The following TOX variants were observed in gnomAD, a reference collection of about 807,000 sequenced individuals.
TOX encodes thymocyte selection associated high mobility group box.
In TOX, 11 loss-of-function variants were observed where a neutral mutation model predicts 53.7. That is an observed-to-expected ratio of 0.20 (90% CI 0.13 to 0.34). The LOEUF (loss-of-function observed/expected upper bound fraction) is 0.34, where lower values mean the gene tolerates loss of function less well. TOX is among the 10% of genes least tolerant of loss of function. The pLI is 1.00. For missense variants in TOX, 570 were observed against 664.6 expected (o/e 0.86, Z 1.56); for synonymous variants, 225 against 245.3 (o/e 0.92, Z 0.77).
chr8:59,073,219 T>G (rs970400022), intron 1 of TOX, among the ~76,000 whole-genome samples: 1 of 152,174 alleles, frequency 6.6e-6, no homozygotes, highest in African/African-American at 2.4e-5. Context: ...TGGGAACATG[T>G]AAACCTCTAT....
chr8:59,088,066 TTATTA>T (rs879428882), intron 1 of TOX, among the ~76,000 whole-genome samples: 6 of 152,126 alleles, frequency 3.9e-5, no homozygotes, highest in Non-Finnish European at 7.4e-5. Context: ...ATGGAAACCT[TTATTA>T]TATTAAAAAA....
At chr8:59,010,343 T>C (rs1206912286) in intron 1 of TOX, among the ~76,000 whole-genome samples, 4 of 152,208 alleles carry the variant, frequency 2.6e-5, no homozygotes, top group African/African-American at 9.7e-5. Flanking sequence ...TTACTATATT[T>C]TTAGAAAAAC....
At chr8:59,061,966 C>T (rs1803993990) in intron 1 of TOX, among the ~76,000 whole-genome samples, 1 of 152,126 alleles carries the variant, frequency 6.6e-6, no homozygotes, top group Non-Finnish European at 1.5e-5. Context: ...TGAGATTTTA[C>T]AAGCTCAAAA....
chr8:58,993,233 C>T (rs1403593303), intron 1 of TOX, among the ~76,000 whole-genome samples: 1 of 152,180 alleles, frequency 6.6e-6, no homozygotes, highest in East Asian at 1.9e-4. Flanking sequence ...TCATTGTCTT[C>T]AAGCTACACT....
intron 3 of TOX, among the ~76,000 whole-genome samples, chr8:58,930,444 G>C (rs570688384): frequency 6.6e-6 from 1 of 152,332 alleles, no homozygotes; most frequent in East Asian, 1.9e-4. Flanking sequence ...TCATGAGGCA[G>C]AGAGAGAACA....
chr8:58,949,221 T>C (rs1194947679), intron 2 of TOX, among the ~76,000 whole-genome samples: 1 of 152,226 alleles, frequency 6.6e-6, no homozygotes, highest in Non-Finnish European at 1.5e-5. Context: ...ATTTTTATTA[T>C]CACTTAATGT....
At chr8:58,858,313 C>T (rs1810949296) in intron 3 of TOX, among the ~76,000 whole-genome samples, 2 of 152,202 alleles carry the variant, frequency 1.3e-5, no homozygotes, top group South Asian at 2.1e-4. Flanking sequence ...CTTCCAGAGT[C>T]TGTATTCCTC....
intron 1 of TOX, among the ~76,000 whole-genome samples, chr8:59,068,824 G>A (rs942609883): frequency 2.6e-5 from 4 of 152,136 alleles, no homozygotes; most frequent in Non-Finnish European, 5.9e-5. Context: ...CTAAAGTTAA[G>A]ATAAGGAAGA....
At chr8:58,936,770 GA>G (rs1812351247) in intron 3 of TOX, among the ~76,000 whole-genome samples, 1 of 152,158 alleles carries the variant, frequency 6.6e-6, no homozygotes. Context: ...TTCTTTCTCT[GA>G]GACCATGCTG....
intron 1 of TOX, among the ~76,000 whole-genome samples, chr8:59,003,541 G>A (rs536463792): frequency 1.3e-5 from 2 of 152,256 alleles, no homozygotes; most frequent in South Asian, 4.2e-4. Context: ...TTTCAACAGT[G>A]AAAGACGGGG....
At chr8:58,882,537 AT>A in intron 3 of TOX, among the ~76,000 whole-genome samples, 1 of 152,318 alleles carries the variant, frequency 6.6e-6, no homozygotes, top group Middle Eastern at 3.4e-3. Context: ...TTGCTCTGCA[AT>A]TGTCTAAGCT....
chr8:58,855,468 C>G (rs1343960394), intron 3 of TOX, among the ~76,000 whole-genome samples: 1 of 152,128 alleles, frequency 6.6e-6, no homozygotes, highest in Non-Finnish European at 1.5e-5. Flanking sequence ...TCATTTTTGA[C>G]TCTTTCCTTT....
At chr8:58,836,325 G>T (rs547267925) in intron 5 of TOX, among the ~76,000 whole-genome samples, 1 of 152,132 alleles carries the variant, frequency 6.6e-6, no homozygotes, top group Non-Finnish European at 1.5e-5. Context: ...CCACACCTCA[G>T]GTTTGGCAGG....
chr8:59,074,773 A>G (rs1240671184), intron 1 of TOX, among the ~76,000 whole-genome samples: 2 of 152,314 alleles, frequency 1.3e-5, no homozygotes, highest in East Asian at 1.9e-4. Context: ...TAAAGGAGCG[A>G]CAGCAGCGTG....
intron 1 of TOX, among the ~76,000 whole-genome samples, chr8:58,975,138 A>G (rs976456287): frequency 1.3e-5 from 2 of 151,732 alleles, no homozygotes; most frequent in Non-Finnish European, 2.9e-5. Flanking sequence ...TGTAGATTTT[A>G]CAGATATATA....
intron 6 of TOX, among the ~76,000 whole-genome samples, chr8:58,823,207 T>C (rs1810310415): frequency 6.6e-6 from 1 of 152,156 alleles, no homozygotes; most frequent in Non-Finnish European, 1.5e-5. Context: ...GATTAGATGG[T>C]ATATAGCACT....
At chr8:58,895,600 C>T (rs1811630952) in intron 3 of TOX, among the ~76,000 whole-genome samples, 1 of 152,162 alleles carries the variant, frequency 6.6e-6, no homozygotes, top group African/African-American at 2.4e-5. Context: ...TTACTTTAAA[C>T]CAAAATCTGA....
chr8:58,963,679 T>C (rs538889892), intron 1 of TOX, among the ~76,000 whole-genome samples: 11 of 152,228 alleles, frequency 7.2e-5, no homozygotes, highest in Middle Eastern at 3.4e-3. Context: ...GTCGCAGTGT[T>C]TTGTAGACTC....
intron 1 of TOX, among the ~76,000 whole-genome samples, chr8:59,114,168 A>T (rs1805064048): frequency 6.6e-6 from 1 of 152,222 alleles, no homozygotes; most frequent in African/African-American, 2.4e-5. Context: ...CACAATAATC[A>T]TTCAATTAGA....
Sources: gnomAD v4.1 joint callset for allele counts (sites outside exome capture counted in the v4.1 genomes callset) on GRCh38, gnomAD v4.1.1 for gene constraint, MANE v1.5 for transcripts, NCBI Gene and HGNC (gene_info 2026-07-23, HGNC 2026-07-21) for gene names.